The following ADGRB3 variants were observed in gnomAD, a reference collection of about 807,000 sequenced individuals.
The protein encoded by ADGRB3 is adhesion G protein-coupled receptor B3.
Under a neutral mutation model 193.4 loss-of-function variants are expected in ADGRB3, and 37 were observed. The ratio of observed to expected loss-of-function variants is 0.19; its 90% confidence interval spans 0.15 to 0.25. The LOEUF is 0.25. Among genes scored for constraint, ADGRB3 ranks in the 10% least tolerant of loss-of-function variants. The pLI is 1.00. For synonymous variants in ADGRB3, 690 were observed against 644.2 expected (o/e 1.07, Z -1.08); for missense variants, 1,637 against 1,852.9 (o/e 0.88, Z 2.14).
At chr6:68,935,795 T>C (rs932025457) in intron 4 of ADGRB3, among the ~76,000 whole-genome samples, 1 of 152,198 alleles carries the variant, frequency 6.6e-6, no homozygotes, top group Admixed American at 6.5e-5. Flanking sequence ...AATTTAGACA[T>C]TCATTAGCTT....
chr6:68,973,607 T>A (rs899382553), intron 8 of ADGRB3, among the ~76,000 whole-genome samples: 1 of 152,214 alleles, frequency 6.6e-6, no homozygotes, highest in African/African-American at 2.4e-5. Flanking sequence ...AGATCCTCAC[T>A]TATTTATCAA....
intron 17 of ADGRB3, among the ~76,000 whole-genome samples, chr6:69,106,297 G>A (rs1773215134): frequency 6.6e-6 from 1 of 151,696 alleles, no homozygotes; most frequent in African/African-American, 2.4e-5. Flanking sequence ...TTTGGCTAAG[G>A]CATGCCTGTC....
At chr6:69,355,079 A>T (rs1769310601) in intron 27 of ADGRB3, among the ~76,000 whole-genome samples, 1 of 152,150 alleles carries the variant, frequency 6.6e-6, no homozygotes, top group African/African-American at 2.4e-5. Flanking sequence ...AGAATAATCA[A>T]CTCCTTACTA....
At chr6:68,781,440 A>G (rs1035458737) in intron 3 of ADGRB3, among the ~76,000 whole-genome samples, 2 of 152,138 alleles carry the variant, frequency 1.3e-5, no homozygotes, top group African/African-American at 2.4e-5. Context: ...TAGTTTCAAA[A>G]TGCTTTTATC....
chr6:69,346,292 C>G (rs1267891169), intron 26 of ADGRB3, among the ~76,000 whole-genome samples: 2 of 152,110 alleles, frequency 1.3e-5, no homozygotes, highest in Admixed American at 6.6e-5. Flanking sequence ...CAATCCTAAG[C>G]AAAAAGAACA....
chr6:68,999,825 C>T (rs1769513551), intron 11 of ADGRB3, among the ~76,000 whole-genome samples: 1 of 151,984 alleles, frequency 6.6e-6, no homozygotes, highest in Admixed American at 6.6e-5. Flanking sequence ...TAGCTTGGTA[C>T]TTGAAGCATG....
chr6:69,363,377 A>G (rs1328427231), intron 29 of ADGRB3, among the ~76,000 whole-genome samples: 2 of 152,048 alleles, frequency 1.3e-5, no homozygotes, highest in Non-Finnish European at 2.9e-5. Context: ...GAAAGAGAAT[A>G]TATAGATGTG....
chr6:68,661,976 A>C (rs1373435981), intron 3 of ADGRB3, among the ~76,000 whole-genome samples: 6 of 151,574 alleles, frequency 4.0e-5, no homozygotes, highest in Non-Finnish European at 1.5e-5. Flanking sequence ...AGGGATCATA[A>C]ATTTTTTAAA....
At chr6:68,869,968 G>A (rs529583009) in intron 3 of ADGRB3, among the ~76,000 whole-genome samples, 31 of 152,228 alleles carry the variant, frequency 2.0e-4, no homozygotes, top group Non-Finnish European at 4.1e-4. Flanking sequence ...TAGTAGAGAC[G>A]GGATTTCACC....
At chr6:69,229,720 T>C (rs754341263) in intron 17 of ADGRB3, among the ~76,000 whole-genome samples, 1 of 152,182 alleles carries the variant, frequency 6.6e-6, no homozygotes, top group East Asian at 1.9e-4. Flanking sequence ...TAGCTTTTCA[T>C]TGGAGTAAGC....
At chr6:68,923,347 G>T (rs1767096949) in intron 3 of ADGRB3, among the ~76,000 whole-genome samples, 1 of 151,880 alleles carries the variant, frequency 6.6e-6, no homozygotes, top group Non-Finnish European at 1.5e-5. Context: ...TAAGCCTTGA[G>T]ATCTTTCAAC....
At position 69,062,943 on chromosome 6, in the gene ADGRB3, T is replaced by C. The variant is rs776967237; in HGVS notation, c.2343T>C (p.Thr781=). Residue 781 remains threonine, a synonymous_variant, in exon 16 of 32, where the codon ACT becomes ACC. Transcript: ENST00000370598. ...DLILPTLRNY[T]VINSKIIVVT... ...AATTACTCTGTTGCAGAAATTATAC[T>C]GTCATTAATTCCAAAATCATCGTGG... The C allele has an allele frequency of 3.1e-6, 5 of 1,608,530 alleles. No homozygotes were observed. The highest frequency in any genetic ancestry group is 4.3e-6 in the Non-Finnish European group (5 of 1,175,650).
At chr6:68,855,162 C>G (rs1764942902) in intron 3 of ADGRB3, among the ~76,000 whole-genome samples, 1 of 152,084 alleles carries the variant, frequency 6.6e-6, no homozygotes, top group Non-Finnish European at 1.5e-5. Flanking sequence ...CTGTTTTACT[C>G]TTTTTTGCCT....
chr6:69,357,953 A>G (rs1769369809), intron 28 of ADGRB3, among the ~76,000 whole-genome samples: 1 of 151,912 alleles, frequency 6.6e-6, no homozygotes, highest in East Asian at 1.9e-4. Context: ...CATGGTGCCA[A>G]TTTCCACATC....
chr6:68,716,909 T>C (rs906700518), intron 3 of ADGRB3, among the ~76,000 whole-genome samples: 3 of 151,678 alleles, frequency 2.0e-5, no homozygotes, highest in African/African-American at 7.3e-5. Context: ...AAATTTAAGA[T>C]TCAAATATTT....
intron 8 of ADGRB3, among the ~76,000 whole-genome samples, chr6:68,969,309 A>C (rs1324581239): frequency 6.6e-6 from 1 of 152,170 alleles, no homozygotes; most frequent in Admixed American, 6.6e-5. Context: ...TAGGAATTTT[A>C]CCCCTCAAAA....
intron 29 of ADGRB3, among the ~76,000 whole-genome samples, chr6:69,363,200 CTG>C (rs1339848442): frequency 1.3e-5 from 2 of 151,880 alleles, no homozygotes; most frequent in African/African-American, 4.8e-5. Flanking sequence ...TTATATATAA[CTG>C]TGATTCAGCC....
intron 20 of ADGRB3, among the ~76,000 whole-genome samples, chr6:69,314,448 T>A (rs2127301703): frequency 6.6e-6 from 1 of 151,780 alleles, no homozygotes; most frequent in Non-Finnish European, 1.5e-5. Flanking sequence ...TGTTCAGAGT[T>A]AGTCTTGTAA....
intron 16 of ADGRB3, among the ~76,000 whole-genome samples, chr6:69,073,743 A>C (rs2150311791): frequency 1.3e-5 from 2 of 152,272 alleles, no homozygotes; most frequent in Middle Eastern, 3.4e-3. Context: ...AACTTAAATC[A>C]TAAAATAGGG....
Sources: gnomAD v4.1 joint callset for allele counts (sites outside exome capture counted in the v4.1 genomes callset) on GRCh38, gnomAD v4.1.1 for gene constraint, MANE v1.5 for transcripts, NCBI Gene and HGNC (gene_info 2026-07-23, HGNC 2026-07-21) for gene names.